The following AFG3L2 variants were observed in gnomAD, a reference collection of about 807,000 sequenced individuals.
The protein encoded by AFG3L2 is AFG3 like matrix AAA peptidase subunit 2.
In AFG3L2, 54 loss-of-function variants were observed where a neutral mutation model predicts 94.5. The observed-to-expected ratio is 0.57, with a 90% CI of 0.46 to 0.72. The LOEUF is 0.72. Ranked by LOEUF, AFG3L2 falls within the 30% of genes least tolerant of loss-of-function variation. The pLI, the probability that AFG3L2 is intolerant of heterozygous loss-of-function variation, is 0.00. For missense variants in AFG3L2, 754 were observed against 994.9 expected (o/e 0.76, Z 3.26); for synonymous variants, 377 against 365.5 (o/e 1.03, Z -0.36).
At chr18:12,370,746 A>C in intron 3 of AFG3L2, 103 bp downstream of exon 3, 1 of 812,632 alleles carries the variant, frequency 1.2e-6, no homozygotes, top group Admixed American at 2.2e-5. Context: ...GGCGTGAGAC[A>C]CTGTGCCCGG....
rs754341810 is a variant in AFG3L2, at chr18:12,370,904, A to G, written c.237T>C (p.Asn79=). 5.1e-6 allele frequency: 8 copies of G among 1,574,462 alleles called. No individual in the cohort carries two copies. The South Asian group carries it at 9.0e-5, about 18-fold the overall frequency. The change falls in exon 3 of 17, where the codon AAT becomes AAC. Residue 79 remains asparagine, a synonymous_variant. Coordinates refer to ENST00000269143, the MANE Select transcript of AFG3L2 (RefSeq NM_006796.3). ...PPKGFEKYFP[N]GKNGKKASEP... is the part of the protein sequence containing the mutation. ...CACTAGCTTTTTTTCCATTTTTTCCATTAGGAAAGTATTTTTCAAATCCTG... is the reference window on the plus strand; with the variant it reads ...CACTAGCTTTTTTTCCATTTTTTCCGTTAGGAAAGTATTTTTCAAATCCTG...
At chr18:12,367,927 G>A (rs1908858793) in intron 3 of AFG3L2, among the ~76,000 whole-genome samples, 1 of 152,190 alleles carries the variant, frequency 6.6e-6, no homozygotes. Flanking sequence ...CCAGCACTTT[G>A]GGAGGCCAAG....
intron 5 of AFG3L2, 40 bp from the exon 6 acceptor site, chr18:12,363,896 A>C (rs1908732583): frequency 1.3e-5 from 18 of 1,423,804 alleles, no homozygotes; most frequent in Non-Finnish European, 1.8e-5. Flanking sequence ...AATTCACAGA[A>C]AATACTTGAG....
intron 5 of AFG3L2, among the ~76,000 whole-genome samples, chr18:12,366,337 T>C (rs115265974): frequency 1.3e-5 from 2 of 152,344 alleles, no homozygotes; most frequent in Admixed American, 6.5e-5. Flanking sequence ...ATCTTAAATA[T>C]GCTGAAATAT....
chr18:12,344,849 A>G (rs1348843277), intron 13 of AFG3L2, among the ~76,000 whole-genome samples: 1 of 152,132 alleles, frequency 6.6e-6, no homozygotes, highest in Non-Finnish European at 1.5e-5. Flanking sequence ...TTTAAGCCAC[A>G]CACCCTGTGT....
Position 12,377,111 on chromosome 18 carries a change from G to T in AFG3L2, c.-29C>A. The T allele has an allele frequency of 2.2e-6, 3 of 1,374,646 alleles. No individual in the cohort carries two copies. The highest frequency in any genetic ancestry group is 2.8e-6 in the Non-Finnish European group (3 of 1,058,218). 85.2% of individuals were successfully genotyped at this position (1,374,646 alleles called of 1,614,324 possible). On this transcript the variant is annotated 5_prime_UTR_variant, in exon 1 of 17. Coordinates refer to ENST00000269143, the MANE Select transcript of AFG3L2 (RefSeq NM_006796.3). ...CGCCGCCGTGGCCCTCTCGGCCCGG[G>T]ACGCTGCGCAGGCGCGGGCAGGCGA...
intron 16 of AFG3L2, among the ~76,000 whole-genome samples, chr18:12,331,067 C>A (rs4797676): frequency 0.99 from 150,215 of 152,356 alleles, 74,083 homozygotes; most frequent in East Asian, 1. Flanking sequence ...ATGATGGGCC[C>A]CATGTAGATG....
chr18:12,374,987 C>T (rs1909099174), intron 1 of AFG3L2, among the ~76,000 whole-genome samples: 1 of 149,104 alleles, frequency 6.7e-6, no homozygotes, highest in Non-Finnish European at 1.5e-5. Context: ...ACCCTGGAGG[C>T]GAAGGTTGCA....
At chr18:12,351,476 A>G (rs1384037062) in intron 10 of AFG3L2, 63 bp from the exon 11 acceptor site, 2 of 1,375,878 alleles carry the variant, frequency 1.5e-6, no homozygotes, top group Non-Finnish European at 2.1e-6. Flanking sequence ...ACAGTGCACC[A>G]TCAGGAACAT....
At chr18:12,355,139 C>T (rs867957085) in intron 9 of AFG3L2, among the ~76,000 whole-genome samples, 3 of 151,222 alleles carry the variant, frequency 2.0e-5, no homozygotes, top group Admixed American at 1.3e-4. Flanking sequence ...CACTTGAACC[C>T]GGGAGGCAGA....
intron 16 of AFG3L2, among the ~76,000 whole-genome samples, chr18:12,335,745 G>A (rs1457965865): frequency 1.3e-5 from 2 of 152,108 alleles, no homozygotes; most frequent in Admixed American, 6.5e-5. Context: ...TGGGTACCTC[G>A]GCCCTATCTC....
intron 15 of AFG3L2, among the ~76,000 whole-genome samples, chr18:12,338,139 A>T (rs1241893339): frequency 6.6e-6 from 1 of 152,134 alleles, no homozygotes; most frequent in African/African-American, 2.4e-5. Flanking sequence ...GTGCATGATC[A>T]TAGCTCACTG....
In AFG3L2 at chr18:12,355,652, C is replaced by T. The variant is rs149334048; in HGVS notation, c.1164+1042G>A. Among the ~76,000 whole-genome samples, 901 of 151,798 alleles carry T rather than the reference C, an allele frequency of 5.9e-3. 7 individuals are homozygous for T. Among genetic ancestry groups the T allele is most frequent in the South Asian group, 0.025 (119 of 4,794 alleles). ...CTAGGAAATTCCTTTGGGTAGTTTG[C>T]TTAGGACTCCCGATTTACATATTTT... On this transcript the variant is annotated intron_variant, in intron 9 of 16. Transcript: ENST00000269143.
chr18:12,359,658 G>C (rs1225401749), intron 7 of AFG3L2, among the ~76,000 whole-genome samples: 1 of 152,008 alleles, frequency 6.6e-6, no homozygotes, highest in African/African-American at 2.4e-5. Context: ...AGAATCGCGT[G>C]AACTGGGGTG....
rs1257703513 is a variant in AFG3L2, at chr18:12,377,135, G to C, written c.-53C>G. 7.8e-7 allele frequency: 1 copy of C among 1,279,210 alleles called. No homozygotes were observed. The highest frequency in any genetic ancestry group is 1.0e-6 in the Non-Finnish European group (1 of 976,818). The allele number at this position is 1,279,210 out of a possible 1,614,324, so 79.2% of individuals were successfully genotyped here. On this transcript the variant is annotated 5_prime_UTR_variant, in exon 1 of 17. Transcript: ENST00000269143. ...GGACGCTGCGCAGGCGCGGGCAGGCGACGACTGGCGGCCTCGGGAAGCGGG... is the reference window on the plus strand; with the variant it reads ...GGACGCTGCGCAGGCGCGGGCAGGCCACGACTGGCGGCCTCGGGAAGCGGG...
At chr18:12,347,644 G>C (rs765761869) in intron 13 of AFG3L2, among the ~76,000 whole-genome samples, 1 of 151,532 alleles carries the variant, frequency 6.6e-6, no homozygotes, top group African/African-American at 2.4e-5. Flanking sequence ...TCTGCCTCCC[G>C]GGTTCAAGCG....
chr18:12,352,436 T>G (rs997306444), intron 10 of AFG3L2, among the ~76,000 whole-genome samples: 3 of 152,326 alleles, frequency 2.0e-5, no homozygotes, highest in Admixed American at 2.0e-4. Flanking sequence ...CATGACATCC[T>G]GAGAAGTGGC....
At position 12,329,314 on chromosome 18, in the gene AFG3L2, T is replaced by C. The variant is rs1907436679; in HGVS notation, c.*251A>G. 1.5e-6 allele frequency: 1 copy of C among 679,564 alleles called. No individual in the cohort carries two copies. The highest frequency in any genetic ancestry group is 2.7e-6 in the Non-Finnish European group (1 of 375,116). 42.1% of individuals were successfully genotyped at this position (679,564 alleles called of 1,614,324 possible). On this transcript the variant is annotated 3_prime_UTR_variant, in exon 17 of 17. Coordinates refer to ENST00000269143, the MANE Select transcript of AFG3L2 (RefSeq NM_006796.3). ...CCTCGGCCACTCTGGGCTCAACCTTTCCAGCACGTCTGGGAGCCCAATGAG... is the reference window on the plus strand; with the variant it reads ...CCTCGGCCACTCTGGGCTCAACCTTCCCAGCACGTCTGGGAGCCCAATGAG...
chr18:12,348,797 C>T (rs1443273386), intron 12 of AFG3L2, among the ~76,000 whole-genome samples: 1 of 152,160 alleles, frequency 6.6e-6, no homozygotes, highest in Non-Finnish European at 1.5e-5. Context: ...TTTTTATAAT[C>T]ACCTAGTACA....
Sources: allele counts gnomAD v4.1 joint callset (sites outside exome capture counted in the v4.1 genomes callset), GRCh38; gene constraint gnomAD v4.1.1; transcripts MANE v1.5; gene names NCBI Gene and HGNC (gene_info 2026-07-23, HGNC 2026-07-21).